CDH7: variants seen among roughly 807,000 people sequenced by gnomAD.
CDH7 encodes the protein cadherin 7, also known as cadherin-7.
CDH7 carries 25 observed loss-of-function variants against 71.8 expected under a neutral mutation model. That is an observed-to-expected ratio of 0.35 (90% CI 0.25 to 0.49). The LOEUF (loss-of-function observed/expected upper bound fraction) is 0.49. Among genes scored for constraint, CDH7 ranks in the 20% least tolerant of loss-of-function variants. The pLI, the probability that CDH7 is intolerant of heterozygous loss-of-function variation, is 0.99. For missense variants in CDH7, 862 were observed against 974.6 expected, an observed-to-expected ratio of 0.88 and a Z score of 1.54; for synonymous variants, 381 against 363.8, an observed-to-expected ratio of 1.05 and a Z score of -0.54.
chr18:65,858,850 C>T (rs928870868), intron 8 of CDH7, 75 bp from the exon 9 acceptor site: 11 of 1,425,178 alleles, frequency 7.7e-6, no homozygotes, highest in Non-Finnish European at 1.1e-5. Flanking sequence ...TCATTCTCAG[C>T]TTCGTCATTT....
chr18:65,854,920 C>CGTATATATATATATAT (rs61208244), intron 7 of CDH7, among the ~76,000 whole-genome samples: 1 of 145,546 alleles, frequency 6.9e-6, no homozygotes, highest in East Asian at 2.0e-4. Flanking sequence ...TATGTGTACA[C>CGTATATATATATATAT]ATATATATAT....
At chr18:65,818,505 T>C (rs1911802502) in intron 4 of CDH7, among the ~76,000 whole-genome samples, 1 of 152,152 alleles carries the variant, frequency 6.6e-6, no homozygotes. Flanking sequence ...TAGCAAAACA[T>C]CATATTGGAA....
intron 2 of CDH7, among the ~76,000 whole-genome samples, chr18:65,801,322 A>G (rs766585297): frequency 1.5e-4 from 23 of 152,238 alleles, no homozygotes; most frequent in Non-Finnish European, 3.2e-4. Context: ...AATTGTATCC[A>G]TCTAGTCCAC....
intron 6 of CDH7, among the ~76,000 whole-genome samples, chr18:65,840,235 T>C (rs984430829): frequency 3.9e-5 from 6 of 152,302 alleles, no homozygotes; most frequent in Non-Finnish European, 7.3e-5. Flanking sequence ...TGGAAACTAA[T>C]ACACCAAAAA....
At chr18:65,858,783 A>C in intron 8 of CDH7, 142 bp from the exon 9 acceptor site, 1 of 659,634 alleles carries the variant, frequency 1.5e-6, no homozygotes, top group Non-Finnish European at 2.6e-6. Context: ...TATTTGGATC[A>C]TATTTTCGTA....
intron 7 of CDH7, among the ~76,000 whole-genome samples, chr18:65,853,355 T>C (rs1432099564): frequency 6.6e-6 from 1 of 150,764 alleles, no homozygotes; most frequent in African/African-American, 2.4e-5. Flanking sequence ...TAGTGTTTCC[T>C]TTCAGACTTC....
chr18:65,867,179 G>C (rs1913789999), intron 11 of CDH7, among the ~76,000 whole-genome samples: 1 of 151,856 alleles, frequency 6.6e-6, no homozygotes, highest in Non-Finnish European at 1.5e-5. Flanking sequence ...GGGACTACAG[G>C]TGCCTGCCAC....
intron 2 of CDH7, among the ~76,000 whole-genome samples, chr18:65,783,559 C>T (rs377484974): frequency 1.3e-5 from 2 of 152,134 alleles, no homozygotes; most frequent in East Asian, 3.9e-4. Flanking sequence ...CAGGTATTTG[C>T]ACTAACCCTT....
chr18:65,815,822 C>G (rs1387347789), intron 4 of CDH7, among the ~76,000 whole-genome samples: 1 of 152,160 alleles, frequency 6.6e-6, no homozygotes, highest in East Asian at 1.9e-4. Context: ...AATGATAGAT[C>G]TGAGAAACCT....
chr18:65,840,883 GTCTTT>G (rs1349272758), intron 6 of CDH7, among the ~76,000 whole-genome samples: 2 of 151,854 alleles, frequency 1.3e-5, no homozygotes, highest in Non-Finnish European at 2.9e-5. Flanking sequence ...CTTATTTGGT[GTCTTT>G]TCTTAATTGT....
intron 10 of CDH7, 21 bp from the exon 11 acceptor site, chr18:65,862,645 C>T (rs112254494): frequency 3.4e-5 from 54 of 1,610,022 alleles, no homozygotes; most frequent in African/African-American, 2.9e-4. Flanking sequence ...TGGTGTTATA[C>T]ATTTGCTTTC....
intron 2 of CDH7, among the ~76,000 whole-genome samples, chr18:65,778,676 G>GT (rs369115659): frequency 1.4e-5 from 2 of 147,114 alleles, no homozygotes; most frequent in Admixed American, 6.8e-5. Flanking sequence ...CTTTTTTTTT[G>GT]TTTGTTTTTC....
rs1568182396 is a variant in CDH7 at position 65,782,079 on chromosome 18, T to TTCC, written c.210+19028_210+19029insCCT. 5.3e-4 allele frequency among the ~76,000 whole-genome samples: 23 copies of TTCC among 43,142 alleles called. 3 individuals are homozygous for TTCC. The highest frequency in any genetic ancestry group is 6.8e-4 in the Non-Finnish European group (18 of 26,626). The allele number at this position is 43,142 out of a possible 152,430, so 28.3% of individuals were successfully genotyped here. A position where few individuals can be genotyped will look rare whatever the true frequency, so the allele number is the denominator to read the frequency against. ...CTTCCTTCCTTTCTTTCTTTCTTTC[T>TTCC]TTCCTTCCTTCCTTCCTTCCTTCCT... is the stretch of plus-strand genomic sequence containing the variant. On this transcript the variant is annotated intron_variant, in intron 2 of 11. Coordinates refer to ENST00000397968, the MANE Select transcript of CDH7 (RefSeq NM_004361.5).
At chr18:65,834,128 G>T (rs1161874189) in intron 6 of CDH7, among the ~76,000 whole-genome samples, 1 of 152,188 alleles carries the variant, frequency 6.6e-6, no homozygotes, top group East Asian at 1.9e-4. Flanking sequence ...AGATAGGAGA[G>T]AATTTAATAA....
chr18:65,855,924 A>C (rs543646505), intron 7 of CDH7, among the ~76,000 whole-genome samples: 4 of 152,206 alleles, frequency 2.6e-5, no homozygotes, highest in Non-Finnish European at 5.9e-5. Flanking sequence ...AGATTGGTTT[A>C]ATATTCAAAA....
chr18:65,820,396 T>C (rs1911880574), intron 4 of CDH7, among the ~76,000 whole-genome samples: 1 of 152,106 alleles, frequency 6.6e-6, no homozygotes, highest in African/African-American at 2.4e-5. Context: ...AGTCATATGA[T>C]ATTAACAATT....
chr18:65,779,481 G>A (rs1420732962), intron 2 of CDH7, among the ~76,000 whole-genome samples: 1 of 73,042 alleles, frequency 1.4e-5, no homozygotes, highest in Non-Finnish European at 2.6e-5. Flanking sequence ...AGTCCCCAGA[G>A]TGTGATATTC....
intron 7 of CDH7, among the ~76,000 whole-genome samples, chr18:65,850,686 G>T (rs7343023): frequency 0.079 from 11,976 of 151,732 alleles, 1,539 homozygotes; most frequent in African/African-American, 0.27. Context: ...CATCAAGATT[G>T]CATATGAGAT....
At chr18:65,868,084 A>G (rs2144049375) in intron 11 of CDH7, among the ~76,000 whole-genome samples, 1 of 152,352 alleles carries the variant, frequency 6.6e-6, no homozygotes, top group East Asian at 1.9e-4. Flanking sequence ...TGGCAGCACT[A>G]TGTAAAAAAA....
Sources: gnomAD v4.1 joint callset for allele counts (sites outside exome capture counted in the v4.1 genomes callset) on GRCh38, gnomAD v4.1.1 for gene constraint, MANE v1.5 for transcripts, NCBI Gene and HGNC (gene_info 2026-07-23, HGNC 2026-07-21) for gene names.